COPG2: variants seen among roughly 807,000 people sequenced by gnomAD.
COPG2 encodes the protein coatomer subunit gamma-2.
Under a neutral mutation model 46.3 loss-of-function variants are expected in COPG2, and 37 were observed. The ratio of observed to expected loss-of-function variants is 0.80; its 90% CI spans 0.61 to 1.05. The LOEUF (loss-of-function observed/expected upper bound fraction) is 1.05. Ranked by LOEUF, COPG2 falls within the 50% of genes least tolerant of loss-of-function variation. The probability of loss-of-function intolerance (pLI) is 0.00; values close to 1 mark genes in which losing one functional copy is unlikely to be tolerated. For missense variants in COPG2, 427 were observed against 387.8 expected (o/e 1.10, Z -0.85); for synonymous variants, 159 against 129.7 (o/e 1.23, Z -1.53).
chr7:130,648,060 C>T (rs372326117), intron 5 of COPG2, among the ~76,000 whole-genome samples: 207 of 152,202 alleles, frequency 1.4e-3, no homozygotes, highest in Middle Eastern at 3.4e-3. Flanking sequence ...TTGCATTTCC[C>T]TGATGACTAA....
rs1554440150 is a variant in COPG2, at chr7:130,506,725, C to G, written c.2567G>C (p.Arg856Thr). ...ADGVTMQVTV[R>T]SKERTPVDVI... ...ATCTACAGGTGTTCTCTCTTTACTTCTGACAGTCACCTGCATGGTCACTCC... is the reference window on the plus strand; with the variant it reads ...ATCTACAGGTGTTCTCTCTTTACTTGTGACAGTCACCTGCATGGTCACTCC... The change falls in exon 24 of 24, where the codon AGA (arginine) becomes ACA (threonine). Residue 856 changes from arginine (R) to threonine (T), a missense_variant. Transcript: ENST00000425248. 1 of 780,608 alleles carries G rather than the reference C, an allele frequency of 1.3e-6. No individual in the cohort carries two copies. The highest frequency in any genetic ancestry group is 1.3e-5 in the South Asian group (1 of 74,612). The allele number at this position is 780,608 out of a possible 1,614,324, so 48.4% of individuals were successfully genotyped here.
chr7:130,659,674 G>T (rs1359338931), intron 4 of COPG2, among the ~76,000 whole-genome samples: 1 of 152,076 alleles, frequency 6.6e-6, no homozygotes, highest in African/African-American at 2.4e-5. Flanking sequence ...AGTACTTTGG[G>T]AGGCCAAGGC....
chr7:130,536,812 G>A lies in COPG2; in HGVS notation c.2149+10862C>T, dbSNP rs1030450712. Among the ~76,000 whole-genome samples, 35 of 152,330 alleles carry A rather than the reference G, an allele frequency of 2.3e-4. No individual in the cohort carries two copies. The South Asian group carries it at 7.3e-3, about 32-fold the overall frequency. On this transcript the variant is annotated intron_variant, in intron 20 of 23. Transcript: ENST00000425248. ...TCCAGCGCCTCGGTCCGAGACTCGAGGACTCAGGTGGAGGAGTGAGGCCAA... is the reference window on the plus strand; with the variant it reads ...TCCAGCGCCTCGGTCCGAGACTCGAAGACTCAGGTGGAGGAGTGAGGCCAA...
rs1271334571 is a variant in COPG2, at chr7:130,540,961, A to G, written c.2149+6713T>C. ...ATAGACAATAGCAAAAGAAGAAACCAAGCCCAAAAGATGCTTCTGATAGGC... is the reference window on the plus strand; with the variant it reads ...ATAGACAATAGCAAAAGAAGAAACCGAGCCCAAAAGATGCTTCTGATAGGC... On this transcript the variant is annotated intron_variant, in intron 20 of 23. Coordinates refer to ENST00000425248, the MANE Select transcript of COPG2 (RefSeq NM_012133.6). 7.9e-5 allele frequency among the ~76,000 whole-genome samples: 12 copies of G among 152,162 alleles called. No individual in the cohort carries two copies. In the East Asian group the frequency reaches 1.2e-3, roughly 15 times the overall value.
intron 5 of COPG2, among the ~76,000 whole-genome samples, chr7:130,628,967 G>GACA (rs1195087388): frequency 1.3e-5 from 2 of 152,306 alleles, no homozygotes; most frequent in Admixed American, 6.5e-5. Context: ...AAGACTGCTT[G>GACA]AGCACAGGAG....
chr7:130,616,094 T>C (rs1399671430), intron 6 of COPG2, among the ~76,000 whole-genome samples: 2 of 152,210 alleles, frequency 1.3e-5, no homozygotes, highest in African/African-American at 4.8e-5. Context: ...GGATAAGCTA[T>C]TGAGATAGAG....
At chr7:130,589,117 C>T (rs960580261) in intron 9 of COPG2, among the ~76,000 whole-genome samples, 3 of 151,658 alleles carry the variant, frequency 2.0e-5, no homozygotes, top group African/African-American at 7.3e-5. Context: ...TTTGTCCAAT[C>T]GTTAATTCAA....
intron 20 of COPG2, chr7:130,510,299 T>C: frequency 2.0e-6 from 1 of 501,206 alleles, no homozygotes; most frequent in Non-Finnish European, 3.9e-6. Flanking sequence ...TTCAATGCCA[T>C]TAGGGGTTGA....
intron 4 of COPG2, among the ~76,000 whole-genome samples, chr7:130,658,352 A>C (rs1273646290): frequency 6.6e-6 from 1 of 152,202 alleles, no homozygotes; most frequent in Non-Finnish European, 1.5e-5. Context: ...TTATAAGGAC[A>C]GAAAGGAGAT....
chr7:130,646,859 G>C (rs191865763), intron 5 of COPG2, among the ~76,000 whole-genome samples: 4 of 151,184 alleles, frequency 2.6e-5, no homozygotes, highest in African/African-American at 9.7e-5. Flanking sequence ...CCAGCCACGC[G>C]GAACTGTGAG....
intron 20 of COPG2, among the ~76,000 whole-genome samples, chr7:130,525,374 G>A (rs1799763888): frequency 6.6e-6 from 1 of 152,272 alleles, no homozygotes; most frequent in Admixed American, 6.5e-5. Flanking sequence ...AGGAATATGC[G>A]GAACTAGGTC....
chr7:130,542,582 G>A (rs1189138800), intron 20 of COPG2, among the ~76,000 whole-genome samples: 1 of 152,084 alleles, frequency 6.6e-6, no homozygotes, highest in East Asian at 1.9e-4. Context: ...CTTGGAGGTG[G>A]CAGGGCATGC....
intron 4 of COPG2, among the ~76,000 whole-genome samples, chr7:130,656,393 C>T (rs1484125828): frequency 6.6e-6 from 1 of 152,064 alleles, no homozygotes; most frequent in Non-Finnish European, 1.5e-5. Flanking sequence ...AGAGACACCA[C>T]TAAGGATTCT....
chr7:130,667,148 C>G (rs781823681), intron 2 of COPG2, among the ~76,000 whole-genome samples: 3 of 152,182 alleles, frequency 2.0e-5, no homozygotes, highest in Non-Finnish European at 4.4e-5. Flanking sequence ...ACTTTATGGG[C>G]TATACCAGTT....
intron 5 of COPG2, among the ~76,000 whole-genome samples, chr7:130,624,170 T>A (rs1360250550): frequency 6.6e-6 from 1 of 152,098 alleles, no homozygotes; most frequent in Non-Finnish European, 1.5e-5. Flanking sequence ...TCCATCCTCA[T>A]AATCTAATCA....
chr7:130,635,720 C>A (rs1470995284), intron 5 of COPG2, among the ~76,000 whole-genome samples: 16 of 152,056 alleles, frequency 1.1e-4, no homozygotes, highest in African/African-American at 3.6e-4. Context: ...CTGCTCTGCT[C>A]TTAGTTATTT....
intron 12 of COPG2, among the ~76,000 whole-genome samples, chr7:130,555,951 T>C (rs889921668): frequency 6.6e-6 from 1 of 152,292 alleles, no homozygotes; most frequent in African/African-American, 2.4e-5. Flanking sequence ...TGGATGCTGG[T>C]AGAAAACAAG....
At chr7:130,593,204 G>C (rs545938230) in intron 9 of COPG2, among the ~76,000 whole-genome samples, 3 of 152,354 alleles carry the variant, frequency 2.0e-5, no homozygotes, top group Admixed American at 1.3e-4. Flanking sequence ...AGAGGTGAAA[G>C]ACTCATTTTG....
At chr7:130,646,537 A>G (rs1459489766) in intron 5 of COPG2, among the ~76,000 whole-genome samples, 1 of 152,186 alleles carries the variant, frequency 6.6e-6, no homozygotes, top group Non-Finnish European at 1.5e-5. Flanking sequence ...CTGTTCGGAC[A>G]TGTTATTAAC....
Sources: gnomAD v4.1 joint callset for allele counts (sites outside exome capture counted in the v4.1 genomes callset) on GRCh38, gnomAD v4.1.1 for gene constraint, MANE v1.5 for transcripts, NCBI Gene and HGNC (gene_info 2026-07-23, HGNC 2026-07-21) for gene names.